NTM: variants seen among roughly 807,000 people sequenced by gnomAD.
NTM encodes the protein IgLON family member 2.
Under a neutral mutation model 42.1 loss-of-function variants are expected in NTM, and 13 were observed. The observed-to-expected ratio is 0.31, with a 90% CI of 0.20 to 0.49. NTM has a LOEUF of 0.49. NTM is among the 20% of genes least tolerant of loss of function. NTM has a pLI of 0.99. For missense variants in NTM, 373 were observed against 452.8 expected (o/e 0.82, Z 1.60); for synonymous variants, 187 against 179.2 (o/e 1.04, Z -0.35).
rs1379902001 is a variant in NTM at position 131,508,755 on chromosome 11, AATC to A, written c.82+137873_82+137875del. Among the ~76,000 whole-genome samples the A allele has an allele frequency of 4.4e-3, 647 of 148,686 alleles. 1 individual carries two copies. Among genetic ancestry groups the A allele is most frequent in the African/African-American group, 0.015 (609 of 39,704 alleles). On this transcript the variant is annotated intron_variant, in intron 1 of 8. Coordinates refer to ENST00000683400, the MANE Select transcript of NTM (RefSeq NM_001352005.2). ...TTGTAGGGACATGGATGAAATTGGA[AATC>A]ATCATTCTCAGTAAACTATCGCAAG...
At chr11:131,898,971 T>G (rs1365945697) in intron 1 of NTM, among the ~76,000 whole-genome samples, 1 of 152,088 alleles carries the variant, frequency 6.6e-6, no homozygotes, top group African/African-American at 2.4e-5. Flanking sequence ...AAATGAAAAA[T>G]TCTATGGAAA....
intron 1 of NTM, among the ~76,000 whole-genome samples, chr11:131,776,057 G>GC (rs1227525584): frequency 6.6e-6 from 1 of 152,026 alleles, no homozygotes; most frequent in Non-Finnish European, 1.5e-5. Context: ...TATATCTCTG[G>GC]CCCCTGTGTC....
At chr11:131,748,835 A>G (rs1296926943) in intron 1 of NTM, among the ~76,000 whole-genome samples, 3 of 152,172 alleles carry the variant, frequency 2.0e-5, no homozygotes, top group Admixed American at 6.5e-5. Flanking sequence ...CTGGGCAGAA[A>G]GCTTGCAGGA....
chr11:132,299,359 T>C (rs142337154), intron 4 of NTM, among the ~76,000 whole-genome samples: 63 of 152,154 alleles, frequency 4.1e-4, no homozygotes, highest in Middle Eastern at 6.8e-3. Flanking sequence ...ATGCAAAGGG[T>C]ATAGTGAACA....
intron 1 of NTM, among the ~76,000 whole-genome samples, chr11:131,373,654 C>T (rs1019110786): frequency 6.6e-6 from 1 of 152,078 alleles, no homozygotes; most frequent in African/African-American, 2.4e-5. Context: ...GAACACCCAC[C>T]GCCCACCTTC....
intron 2 of NTM, among the ~76,000 whole-genome samples, chr11:132,053,504 G>A (rs957219535): frequency 2.0e-5 from 3 of 152,126 alleles, no homozygotes; most frequent in African/African-American, 7.2e-5. Context: ...CTTTCATAAT[G>A]CAAAGGAAAA....
At chr11:131,945,252 A>G (rs1026287860) in intron 2 of NTM, among the ~76,000 whole-genome samples, 2 of 152,232 alleles carry the variant, frequency 1.3e-5, no homozygotes, top group African/African-American at 4.8e-5. Context: ...GCACACACAC[A>G]TAGCAAGAGG....
At chr11:131,670,163 C>T (rs574895210) in intron 1 of NTM, among the ~76,000 whole-genome samples, 1 of 152,236 alleles carries the variant, frequency 6.6e-6, no homozygotes, top group Admixed American at 6.5e-5. Flanking sequence ...CATCAGCTGC[C>T]TCACTCCAAG....
intron 1 of NTM, among the ~76,000 whole-genome samples, chr11:131,673,933 G>A (rs924338235): frequency 2.5e-4 from 38 of 152,340 alleles, no homozygotes; most frequent in African/African-American, 7.2e-5. Flanking sequence ...GTTGAAAGGC[G>A]GCACAAAGAG....
intron 1 of NTM, among the ~76,000 whole-genome samples, chr11:131,393,994 C>T (rs1944297840): frequency 1.3e-5 from 2 of 152,230 alleles, no homozygotes; most frequent in Non-Finnish European, 2.9e-5. Flanking sequence ...TAATAGGCGG[C>T]TCTGGCAGCA....
intron 4 of NTM, among the ~76,000 whole-genome samples, chr11:132,267,495 A>G (rs1441235341): frequency 7.2e-6 from 1 of 138,838 alleles, no homozygotes; most frequent in Admixed American, 7.4e-5. Flanking sequence ...TTTTTTTTTT[A>G]ATTTTCATTC....
At chr11:131,431,196 G>T (rs904256366) in intron 1 of NTM, among the ~76,000 whole-genome samples, 1 of 152,230 alleles carries the variant, frequency 6.6e-6, no homozygotes, top group East Asian at 1.9e-4. Context: ...CTGGTCATGT[G>T]CATCTCTCAT....
At chr11:131,917,338 G>C (rs1182780012) in intron 2 of NTM, among the ~76,000 whole-genome samples, 1 of 152,182 alleles carries the variant, frequency 6.6e-6, no homozygotes, top group Non-Finnish European at 1.5e-5. Context: ...TGTCATTTCT[G>C]ACTGGGCAGC....
In NTM at chr11:131,789,847, A is replaced by T. The variant is rs188537283; in HGVS notation, c.83-121717A>T. Among the ~76,000 whole-genome samples the T allele has an allele frequency of 0.014, 2,084 of 149,456 alleles. 94 individuals are homozygous for T. The East Asian group carries it at 0.15, about 11-fold the overall frequency. ...GGCGGGAGCCTGTAGTCCCAGCTAC[A>T]CGGGAGGCTGAGGCAGGAGAATGGC... On this transcript the variant is annotated intron_variant, in intron 1 of 8. Transcript: ENST00000683400.
chr11:131,929,515 T>A (rs2058360468), intron 2 of NTM, among the ~76,000 whole-genome samples: 2 of 152,252 alleles, frequency 1.3e-5, no homozygotes, highest in South Asian at 4.2e-4. Flanking sequence ...CCGTTTTTTT[T>A]GTATACGGCA....
chr11:132,104,910 C>A (rs2062101108), intron 2 of NTM, among the ~76,000 whole-genome samples: 2 of 108,262 alleles, frequency 1.8e-5, no homozygotes, highest in Non-Finnish European at 3.6e-5. Flanking sequence ...ACAGGGAGAT[C>A]CTCTCTCTCT....
intron 2 of NTM, among the ~76,000 whole-genome samples, chr11:131,976,342 C>T (rs936185423): frequency 1.2e-4 from 19 of 152,132 alleles, no homozygotes; most frequent in African/African-American, 3.6e-4. Context: ...TTTGCCTTGG[C>T]CACCAGTTGG....
chr11:131,424,600 C>CTTTTCTTATTTTTTTT (rs1555108116), intron 1 of NTM, among the ~76,000 whole-genome samples: 1 of 56,052 alleles, frequency 1.8e-5, no homozygotes. Context: ...CTTTTCTTTT[C>CTTTTCTTATTTTTTTT]TTTTTTTTTT....
chr11:132,291,413 AT>A (rs1417850532), intron 4 of NTM, among the ~76,000 whole-genome samples: 7 of 152,164 alleles, frequency 4.6e-5, no homozygotes, highest in Admixed American at 4.6e-4. Context: ...GGAGAAGAAA[AT>A]TTGAAGGAAG....
Sources: gnomAD v4.1 joint callset for allele counts (sites outside exome capture counted in the v4.1 genomes callset) on GRCh38, gnomAD v4.1.1 for gene constraint, MANE v1.5 for transcripts, NCBI Gene and HGNC (gene_info 2026-07-23, HGNC 2026-07-21) for gene names.